TNNI3K: variants seen among roughly 807,000 people sequenced by gnomAD.
TNNI3K encodes the protein TNNI3 interacting kinase.
Under a neutral mutation model 114.5 loss-of-function variants are expected in TNNI3K, and 140 were observed. The observed-to-expected ratio is 1.22, with a 90% CI of 1.07 to 1.41. The LOEUF (loss-of-function observed/expected upper bound fraction) is 1.41, where lower values mean the gene tolerates loss of function less well. Ranked by LOEUF, TNNI3K falls within the 40% of genes most tolerant of loss-of-function variation. TNNI3K has a pLI of 0.00. For synonymous variants in TNNI3K, 347 were observed against 347.5 expected, an observed-to-expected ratio of 1.00 and a Z score of 0.02; for missense variants, 1,125 against 1,007.6, an observed-to-expected ratio of 1.12 and a Z score of -1.58.
intron 21 of TNNI3K, among the ~76,000 whole-genome samples, chr1:74,478,238 C>A (rs1668301752): frequency 6.6e-6 from 1 of 152,056 alleles, no homozygotes; most frequent in Non-Finnish European, 1.5e-5. Context: ...CTTCTCAAAG[C>A]ACTACAATTT....
intron 17 of TNNI3K, chr1:74,375,710 C>G: frequency 2.3e-6 from 1 of 427,154 alleles, no homozygotes; most frequent in Non-Finnish European, 4.8e-6. Context: ...TCAGCAGTCC[C>G]CACTTTCAGA....
chr1:74,486,799 C>T (rs925774313), intron 21 of TNNI3K, among the ~76,000 whole-genome samples: 78 of 151,088 alleles, frequency 5.2e-4, no homozygotes, highest in Admixed American at 1.5e-3. Flanking sequence ...AGCCAATGAG[C>T]GCAGAAAAAA....
At chr1:74,277,410 A>G (rs1656749268) in intron 5 of TNNI3K, among the ~76,000 whole-genome samples, 1 of 152,186 alleles carries the variant, frequency 6.6e-6, no homozygotes, top group Admixed American at 6.6e-5. Context: ...AGACACAAAA[A>G]AAGTATTTGG....
chr1:74,274,843 T>C (rs1460782040), intron 5 of TNNI3K, among the ~76,000 whole-genome samples: 5 of 152,104 alleles, frequency 3.3e-5, no homozygotes, highest in Non-Finnish European at 7.4e-5. Context: ...TACACTATTC[T>C]ACAGCTGGGC....
chr1:74,509,979 C>T (rs1334379153), intron 23 of TNNI3K, among the ~76,000 whole-genome samples: 1 of 151,894 alleles, frequency 6.6e-6, no homozygotes. Context: ...GTCTTGAATT[C>T]CTGAATTCAA....
chr1:74,436,633 G>A (rs1666143443), intron 19 of TNNI3K, 107 bp downstream of exon 19: 2 of 1,195,018 alleles, frequency 1.7e-6, no homozygotes, highest in Non-Finnish European at 2.3e-6. Flanking sequence ...AAATGTCATT[G>A]TCTCAGTGTT....
At chr1:74,358,441 A>G (rs1339247877) in intron 11 of TNNI3K, among the ~76,000 whole-genome samples, 3 of 152,134 alleles carry the variant, frequency 2.0e-5, no homozygotes, top group Non-Finnish European at 4.4e-5. Flanking sequence ...ACTATAGTGT[A>G]TTCTCTGAAA....
At chr1:74,496,827 G>T (rs974913373) in intron 23 of TNNI3K, among the ~76,000 whole-genome samples, 1 of 152,130 alleles carries the variant, frequency 6.6e-6, no homozygotes, top group African/African-American at 2.4e-5. Flanking sequence ...CTCCCACAGG[G>T]TATGAAATCC....
chr1:74,289,078 T>C (rs1482779336), intron 5 of TNNI3K, among the ~76,000 whole-genome samples: 2 of 151,752 alleles, frequency 1.3e-5, no homozygotes, highest in Non-Finnish European at 2.9e-5. Context: ...AAAATAAATA[T>C]TAAAAAAATC....
intron 5 of TNNI3K, among the ~76,000 whole-genome samples, chr1:74,299,319 A>G (rs964037705): frequency 6.6e-6 from 1 of 152,286 alleles, no homozygotes; most frequent in African/African-American, 2.4e-5. Context: ...ACCAGTATAC[A>G]TGAGTGTAAT....
In TNNI3K at chr1:74,353,277, A is replaced by G. The variant is rs375033470; in HGVS notation, c.944A>G (p.Tyr315Cys). 29 of 1,613,138 alleles carry G rather than the reference A, an allele frequency of 1.8e-5. No homozygotes were observed. The African/African-American group carries it at 2.1e-4, about 12-fold the overall frequency. ...SETAFHSACT[Y>C]GKSIDLVKFL... ...GTTTTTTTTTTCAGTGCTTGTACCT[A>G]TGGCAAGAGCATTGACCTAGTCAAA... Residue 315 changes from tyrosine to cysteine, a missense_variant, in exon 10 of 25, where the codon TAT becomes TGT. Coordinates refer to ENST00000326637, the MANE Select transcript of TNNI3K (RefSeq NM_015978.3).
chr1:74,541,074 CA>C (rs1400177778), intron 24 of TNNI3K, among the ~76,000 whole-genome samples: 2 of 152,124 alleles, frequency 1.3e-5, no homozygotes, highest in Non-Finnish European at 2.9e-5. Context: ...CCCATTTATC[CA>C]TTGCAACTTC....
intron 2 of TNNI3K, among the ~76,000 whole-genome samples, chr1:74,247,688 C>G (rs1262350993): frequency 6.6e-6 from 1 of 152,042 alleles, no homozygotes; most frequent in Non-Finnish European, 1.5e-5. Context: ...TCTCCAAGTC[C>G]CCACCAGATT....
chr1:74,451,853 A>G (rs933221462), intron 20 of TNNI3K, among the ~76,000 whole-genome samples: 2 of 150,606 alleles, frequency 1.3e-5, no homozygotes, highest in African/African-American at 2.4e-5. Context: ...AGATTTGTCT[A>G]TTTCTCAAAA....
chr1:74,433,242 C>T (rs531547204), intron 17 of TNNI3K, among the ~76,000 whole-genome samples: 1 of 152,152 alleles, frequency 6.6e-6, no homozygotes, highest in South Asian at 2.1e-4. Flanking sequence ...TCCCTGGTAT[C>T]CTCAAACCTG....
intron 17 of TNNI3K, among the ~76,000 whole-genome samples, chr1:74,396,848 G>C (rs766777173): frequency 6.6e-6 from 1 of 152,218 alleles, no homozygotes; most frequent in African/African-American, 2.4e-5. Flanking sequence ...TTCAGGATTA[G>C]ATCCAGAGGA....
chr1:74,436,834 TAGTAA>T (rs1330446671), intron 19 of TNNI3K, among the ~76,000 whole-genome samples: 17 of 152,062 alleles, frequency 1.1e-4, no homozygotes, highest in Non-Finnish European at 1.5e-5. Context: ...TAACTACTTA[TAGTAA>T]AGTAAACATT....
intron 19 of TNNI3K, among the ~76,000 whole-genome samples, chr1:74,438,858 G>A (rs1666250690): frequency 1.3e-5 from 2 of 152,052 alleles, no homozygotes; most frequent in African/African-American, 4.8e-5. Context: ...TGCACAAACA[G>A]CATTCATAAA....
chr1:74,431,877 T>C (rs1052206394), intron 17 of TNNI3K, among the ~76,000 whole-genome samples: 2 of 152,142 alleles, frequency 1.3e-5, no homozygotes, highest in Admixed American at 6.6e-5. Context: ...ATCACACTTA[T>C]TTAGATGAAA....
Sources: gnomAD v4.1 joint callset for allele counts (sites outside exome capture counted in the v4.1 genomes callset) on GRCh38, gnomAD v4.1.1 for gene constraint, MANE v1.5 for transcripts, NCBI Gene and HGNC (gene_info 2026-07-23, HGNC 2026-07-21) for gene names.